The following CDH11 variants were observed in gnomAD, a reference collection of about 807,000 sequenced individuals.
CDH11 encodes the protein cadherin-11.
Under a neutral mutation model 67.8 loss-of-function variants are expected in CDH11, and 11 were observed. The observed-to-expected ratio is 0.16, with a 90% CI of 0.10 to 0.27. The LOEUF is 0.27. CDH11 is among the 10% of genes least tolerant of loss of function. The pLI, the probability that CDH11 is intolerant of heterozygous loss-of-function variation, is 1.00. For synonymous variants in CDH11, 419 were observed against 400.0 expected (o/e 1.05, Z -0.57); for missense variants, 847 against 1,031.2 (o/e 0.82, Z 2.45).
intron 1 of CDH11, among the ~76,000 whole-genome samples, chr16:65,120,595 C>A (rs1451732766): frequency 6.6e-6 from 1 of 152,168 alleles, no homozygotes; most frequent in Non-Finnish European, 1.5e-5. Context: ...AACAACCCCC[C>A]ACTCCCATCC....
At chr16:65,091,018 T>C (rs146765409) in intron 1 of CDH11, among the ~76,000 whole-genome samples, 6 of 152,246 alleles carry the variant, frequency 3.9e-5, no homozygotes, top group African/African-American at 1.4e-4. Context: ...TTTGCCATAA[T>C]TTCTCTACAT....
At chr16:65,076,320 T>C (rs1676085018) in intron 1 of CDH11, among the ~76,000 whole-genome samples, 1 of 152,128 alleles carries the variant, frequency 6.6e-6, no homozygotes. Flanking sequence ...GTTCTTTTCT[T>C]TTACAGGGTG....
At chr16:64,992,415 G>A (rs956306317) in intron 5 of CDH11, among the ~76,000 whole-genome samples, 1 of 152,116 alleles carries the variant, frequency 6.6e-6, no homozygotes, top group Admixed American at 6.5e-5. Context: ...GAACCAAATC[G>A]GTTAAAATAT....
rs140921670 is a variant in CDH11 at position 65,115,635 on chromosome 16, A to G, written c.-298+6245T>C. Among the ~76,000 whole-genome samples the G allele has an allele frequency of 3.6e-3, 526 of 147,566 alleles. 5 individuals are homozygous for G. The highest frequency in any genetic ancestry group is 0.012 in the African/African-American group (494 of 39,948). On this transcript the variant is annotated intron_variant, in intron 1 of 12. Coordinates refer to ENST00000268603, the MANE Select transcript of CDH11 (RefSeq NM_001797.4). ...CACCTGAGTCTTGGGGAGCTTATATAGCTTATTCTTGGTCACATACTTTGT... is the reference window on the plus strand; with the variant it reads ...CACCTGAGTCTTGGGGAGCTTATATGGCTTATTCTTGGTCACATACTTTGT...
At chr16:64,981,854 T>C in intron 8 of CDH11, 194 bp downstream of exon 8, 1 of 508,336 alleles carries the variant, frequency 2.0e-6, no homozygotes, top group Admixed American at 3.6e-5. Flanking sequence ...GCTTGAACAA[T>C]CCTATCCAAA....
rs2072010295 is a variant in CDH11, at chr16:64,971,714, C to A, written c.1525-18G>T. On this transcript the variant is annotated intron_variant, in intron 10 of 12. Coordinates refer to ENST00000268603, the MANE Select transcript of CDH11 (RefSeq NM_001797.4). ...ACAATTGGCTGAAAGAGAAAGGTGGCCCATAAATAAATCATGCTGACATTG... is the reference window on the plus strand; with the variant it reads ...ACAATTGGCTGAAAGAGAAAGGTGGACCATAAATAAATCATGCTGACATTG... The A allele has an allele frequency of 6.4e-7, 1 of 1,555,730 alleles. No individual in the cohort carries two copies. Among genetic ancestry groups the A allele is most frequent in the Admixed American group, 1.7e-5 (1 of 59,360 alleles).
At chr16:64,949,577 C>A (rs891870471) in intron 12 of CDH11, among the ~76,000 whole-genome samples, 1 of 152,040 alleles carries the variant, frequency 6.6e-6, no homozygotes, top group Non-Finnish European at 1.5e-5. Flanking sequence ...CAGGCATGCA[C>A]CAACACACCT....
Position 65,006,313 on chromosome 16 carries a change from A to C in CDH11, c.-172-1272T>G, listed in dbSNP as rs182878434. On this transcript the variant is annotated intron_variant, in intron 2 of 12. Transcript: ENST00000268603. ...CTAAATGAAACTGGAAAACTTACTGAGCATTGTAGGAATCACTGTCATCAC... is the reference window on the plus strand; with the variant it reads ...CTAAATGAAACTGGAAAACTTACTGCGCATTGTAGGAATCACTGTCATCAC... Among the ~76,000 whole-genome samples, 29 of 152,286 alleles carry C rather than the reference A, an allele frequency of 1.9e-4. No homozygotes were observed. In the East Asian group the frequency reaches 5.2e-3, roughly 27 times the overall value.
At chr16:65,044,202 C>A (rs1386048052) in intron 2 of CDH11, among the ~76,000 whole-genome samples, 5 of 152,106 alleles carry the variant, frequency 3.3e-5, no homozygotes, top group African/African-American at 1.2e-4. Context: ...TCCACACACT[C>A]CAATAGATGG....
At chr16:65,085,196 C>G (rs866794649) in intron 1 of CDH11, among the ~76,000 whole-genome samples, 3 of 152,226 alleles carry the variant, frequency 2.0e-5, no homozygotes, top group African/African-American at 4.8e-5. Flanking sequence ...CAGGCATGAG[C>G]CACCACACCT....
At chr16:64,992,826 T>G in intron 5 of CDH11, 89 bp downstream of exon 5, 47 of 1,281,722 alleles carry the variant, frequency 3.7e-5, no homozygotes, top group Non-Finnish European at 4.4e-5. Flanking sequence ...TTTTCATATT[T>G]GAGAAAACAG....
At chr16:64,989,591 G>A (rs1465517076) in intron 6 of CDH11, among the ~76,000 whole-genome samples, 4 of 152,188 alleles carry the variant, frequency 2.6e-5, no homozygotes, top group Non-Finnish European at 5.9e-5. Flanking sequence ...GAGGAGGAGA[G>A]TGACTACAGC....
chr16:65,010,571 AG>A (rs1297437661), intron 2 of CDH11, among the ~76,000 whole-genome samples: 4 of 152,118 alleles, frequency 2.6e-5, no homozygotes, highest in African/African-American at 7.2e-5. Flanking sequence ...GACTGCAAAA[AG>A]GTTATGGTAT....
At chr16:64,965,889 C>A (rs1369312900) in intron 11 of CDH11, among the ~76,000 whole-genome samples, 5 of 151,502 alleles carry the variant, frequency 3.3e-5, no homozygotes, top group African/African-American at 7.3e-5. Flanking sequence ...GGATTAATTT[C>A]TTATTATAAG....
chr16:64,948,078 G>A lies in CDH11; in HGVS notation c.1916C>T (p.Thr639Ile). 6.2e-7 allele frequency: 1 copy of A among 1,613,580 alleles called. No individual in the cohort carries two copies. The highest frequency in any genetic ancestry group is 1.3e-5 in the African/African-American group (1 of 74,982). ...TGGTTCTTTCTTTTGCCTTCTCAGG[G>A]TCACAAACAATACTACAATGACTGG... ...ILLVIVVLFV[T>I]LRRQKKEPLI... The change falls in exon 13 of 13, where the codon ACC (threonine) becomes ATC (isoleucine). Residue 639 changes from threonine (T) to isoleucine (I), a missense_variant. Transcript: ENST00000268603.
chr16:65,047,550 C>T (rs1359386623), intron 2 of CDH11, among the ~76,000 whole-genome samples: 1 of 151,914 alleles, frequency 6.6e-6, no homozygotes, highest in African/African-American at 2.4e-5. Flanking sequence ...CGGGATTTCA[C>T]CATGTTGGCC....
intron 1 of CDH11, among the ~76,000 whole-genome samples, chr16:65,120,557 C>A (rs956687947): frequency 6.6e-5 from 10 of 152,182 alleles, no homozygotes; most frequent in African/African-American, 1.2e-4. Context: ...TTAGTGAAAT[C>A]TATACCCTCA....
chr16:65,056,749 T>A (rs2074150687), intron 1 of CDH11, among the ~76,000 whole-genome samples: 1 of 152,156 alleles, frequency 6.6e-6, no homozygotes, highest in Admixed American at 6.5e-5. Flanking sequence ...CCTTCTCTAG[T>A]CTTCTGTTAA....
intron 2 of CDH11, among the ~76,000 whole-genome samples, chr16:65,010,243 G>A (rs2073147843): frequency 1.3e-5 from 2 of 152,092 alleles, no homozygotes; most frequent in African/African-American, 4.8e-5. Context: ...TCCCCTTGTT[G>A]GTGAGCTAAG....
Sources: gnomAD v4.1 joint callset for allele counts (sites outside exome capture counted in the v4.1 genomes callset) on GRCh38, gnomAD v4.1.1 for gene constraint, MANE v1.5 for transcripts, NCBI Gene and HGNC (gene_info 2026-07-23, HGNC 2026-07-21) for gene names.